TTC28: variants seen among roughly 807,000 people sequenced by gnomAD.
The protein encoded by TTC28 is tetratricopeptide repeat protein 28.
Under a neutral mutation model 198.0 loss-of-function variants are expected in TTC28, and 61 were observed. The ratio of observed to expected loss-of-function variants is 0.31; its 90% confidence interval spans 0.25 to 0.38. TTC28 has a LOEUF of 0.38. Ranked by LOEUF, TTC28 falls within the 10% of genes least tolerant of loss-of-function variation. The pLI, the probability that TTC28 is intolerant of heterozygous loss-of-function variation, is 1.00. For missense variants in TTC28, 2,678 were observed against 3,164.0 expected (o/e 0.85, Z 3.69); for synonymous variants, 1,171 against 1,297.8 (o/e 0.90, Z 2.10).
intron 2 of TTC28, among the ~76,000 whole-genome samples, chr22:28,531,713 C>T (rs2049144267): frequency 6.6e-6 from 1 of 152,210 alleles, no homozygotes; most frequent in South Asian, 2.1e-4. Flanking sequence ...AATTGTCTCT[C>T]AGACCACAGT....
intron 2 of TTC28, among the ~76,000 whole-genome samples, chr22:28,600,500 T>C (rs992857476): frequency 6.6e-6 from 1 of 152,194 alleles, no homozygotes; most frequent in Non-Finnish European, 1.5e-5. Context: ...CAAAAGTAAG[T>C]GTAAAAACAG....
chr22:28,241,612 T>C (rs1929658907), intron 5 of TTC28, among the ~76,000 whole-genome samples: 1 of 152,068 alleles, frequency 6.6e-6, no homozygotes, highest in Admixed American at 6.6e-5. Context: ...ATTAAAAATA[T>C]ATATAGAGAG....
intron 2 of TTC28, among the ~76,000 whole-genome samples, chr22:28,349,308 T>C (rs180931224): frequency 9.2e-5 from 14 of 152,308 alleles, no homozygotes; most frequent in African/African-American, 2.6e-4. Flanking sequence ...ACAGATGAAA[T>C]TGTTATCTTA....
At chr22:28,068,274 T>C (rs1028360355) in intron 12 of TTC28, among the ~76,000 whole-genome samples, 1 of 152,324 alleles carries the variant, frequency 6.6e-6, no homozygotes, top group Admixed American at 6.5e-5. Context: ...TCTGTCATTT[T>C]AGCTGTGTGA....
intron 12 of TTC28, among the ~76,000 whole-genome samples, chr22:28,090,098 AAAAGTT>A (rs1461481723): frequency 6.6e-6 from 1 of 152,252 alleles, no homozygotes; most frequent in South Asian, 2.1e-4. Context: ...CATGTATCCT[AAAAGTT>A]AAAGTATAAT....
chr22:28,281,350 T>C (rs969200651), intron 5 of TTC28, among the ~76,000 whole-genome samples: 2 of 152,152 alleles, frequency 1.3e-5, no homozygotes, highest in Non-Finnish European at 2.9e-5. Context: ...TTCAAGTTCA[T>C]GTCTCTTTCT....
At chr22:28,361,277 T>C (rs6005765) in intron 2 of TTC28, among the ~76,000 whole-genome samples, 6,734 of 152,222 alleles carry the variant, frequency 0.044, 172 homozygotes, top group African/African-American at 0.059. Context: ...ACAGCCAAGT[T>C]ATGAATGCAA....
chr22:28,138,881 A>C (rs530545295), intron 6 of TTC28, among the ~76,000 whole-genome samples: 64 of 152,364 alleles, frequency 4.2e-4, no homozygotes, highest in Non-Finnish European at 8.5e-4. Context: ...ACGAACAAAG[A>C]ATCGAGGACA....
Position 28,096,179 on chromosome 22 carries a change from A to C in TTC28, c.3766+11T>G. On this transcript the variant is annotated intron_variant, in intron 11 of 22. Transcript: ENST00000397906. Reference sequence around the variant, plus strand: ...TTCTAATTGCCCTGTTCCCACAGAAAGAGATCTTACCTGCCCCAGGAGCCA... The same window carrying C: ...TTCTAATTGCCCTGTTCCCACAGAACGAGATCTTACCTGCCCCAGGAGCCA... 6.5e-7 allele frequency: 1 copy of C among 1,530,510 alleles called. No individual in the cohort carries two copies. The highest frequency in any genetic ancestry group is 8.8e-7 in the Non-Finnish European group (1 of 1,134,786). 94.8% of individuals were successfully genotyped at this position (1,530,510 alleles called of 1,614,324 possible).
chr22:28,268,780 T>C (rs140884791), intron 5 of TTC28, among the ~76,000 whole-genome samples: 43 of 152,350 alleles, frequency 2.8e-4, no homozygotes, highest in Admixed American at 5.2e-4. Context: ...GTTTCTCAGA[T>C]GTTAGCTCCT....
rs893397887 is a variant in TTC28 at position 28,137,931 on chromosome 22, C to T, written c.1441+25161G>A. 7.2e-5 allele frequency among the ~76,000 whole-genome samples: 11 copies of T among 152,084 alleles called. No homozygotes were observed. In the South Asian group the frequency reaches 8.3e-4, roughly 11 times the overall value. ...CCGGCAGGCTGAGGCAGGAGAGGCA[C>T]TTGAGCCCGGGAGGCAGAGGTTGCA... On this transcript the variant is annotated intron_variant, in intron 6 of 22. Coordinates refer to ENST00000397906, the MANE Select transcript of TTC28 (RefSeq NM_001145418.2).
rs191542268 is a variant in TTC28 at position 28,269,404 on chromosome 22, A to C, written c.933+26794T>G. 5.3e-5 allele frequency among the ~76,000 whole-genome samples: 8 copies of C among 152,070 alleles called. No homozygotes were observed. The East Asian group carries it at 1.5e-3, about 29-fold the overall frequency. ...GTTGTGGTGTCTCAACACTCTTCCC[A>C]ATTTTGTTCTTTAGAGTTATTTTTG... On this transcript the variant is annotated intron_variant, in intron 5 of 22. Coordinates refer to ENST00000397906, the MANE Select transcript of TTC28 (RefSeq NM_001145418.2).
chr22:28,547,998 C>T (rs1394095338), intron 2 of TTC28, among the ~76,000 whole-genome samples: 1 of 151,844 alleles, frequency 6.6e-6, no homozygotes, highest in South Asian at 2.1e-4. Context: ...CCCAATACTG[C>T]TGCTCTCTTT....
intron 6 of TTC28, among the ~76,000 whole-genome samples, chr22:28,140,174 G>A (rs948530912): frequency 1.3e-5 from 2 of 152,160 alleles, no homozygotes; most frequent in African/African-American, 2.4e-5. Context: ...ATAAAGCACT[G>A]TACAAATTCA....
intron 2 of TTC28, among the ~76,000 whole-genome samples, chr22:28,596,842 G>A (rs1478515679): frequency 1.3e-5 from 2 of 152,150 alleles, no homozygotes; most frequent in Admixed American, 6.5e-5. Flanking sequence ...GTGAAAGTAT[G>A]GAAGTGTCAT....
At chr22:28,334,585 C>T (rs1250257926) in intron 2 of TTC28, among the ~76,000 whole-genome samples, 1 of 152,182 alleles carries the variant, frequency 6.6e-6, no homozygotes, top group Non-Finnish European at 1.5e-5. Flanking sequence ...TTTTGATTTG[C>T]ATTTCTCTGA....
At chr22:28,669,504 G>A (rs539313737) in intron 1 of TTC28, among the ~76,000 whole-genome samples, 2 of 152,192 alleles carry the variant, frequency 1.3e-5, no homozygotes, top group Admixed American at 6.5e-5. Flanking sequence ...TTAAATATAT[G>A]TTCCTCAATA....
chr22:28,349,254 C>A (rs2045954505), intron 2 of TTC28, among the ~76,000 whole-genome samples: 1 of 152,040 alleles, frequency 6.6e-6, no homozygotes, highest in Admixed American at 6.5e-5. Flanking sequence ...ATTTTTTCAG[C>A]CTGCTAAATT....
Position 28,380,208 on chromosome 22 carries a change from C to A in TTC28, c.382-73565G>T, listed in dbSNP as rs532315517. On this transcript the variant is annotated intron_variant, in intron 2 of 22. Coordinates refer to ENST00000397906, the MANE Select transcript of TTC28 (RefSeq NM_001145418.2). ...TAGCACTTCCGACAAGAGCTGAAAG[C>A]CCCACTGTTAATATAGGTGAATAAA... Among the ~76,000 whole-genome samples, 20 of 151,926 alleles carry A rather than the reference C, an allele frequency of 1.3e-4. 1 individual carries two copies. The East Asian group carries it at 3.7e-3, about 28-fold the overall frequency.
Sources: allele counts gnomAD v4.1 joint callset (sites outside exome capture counted in the v4.1 genomes callset), GRCh38; gene constraint gnomAD v4.1.1; transcripts MANE v1.5; gene names NCBI Gene and HGNC (gene_info 2026-07-23, HGNC 2026-07-21).